The following CNOT10 variants were observed in gnomAD, a reference collection of about 807,000 sequenced individuals.
The protein encoded by CNOT10 is CCR4-NOT transcription complex subunit 10.
In CNOT10, 30 loss-of-function variants were observed where a neutral mutation model predicts 94.6. That is an observed-to-expected ratio of 0.32 (90% confidence interval 0.24 to 0.43). The LOEUF (loss-of-function observed/expected upper bound fraction) is 0.43. CNOT10 is among the 20% of genes least tolerant of loss of function. The pLI, the probability that CNOT10 is intolerant of heterozygous loss-of-function variation, is 1.00. For missense variants in CNOT10, 759 were observed against 877.2 expected (o/e 0.87, Z 1.70); for synonymous variants, 289 against 301.6 (o/e 0.96, Z 0.43).
Position 32,708,479 on chromosome 3 carries a change from T to C in CNOT10, c.280-191T>C, listed in dbSNP as rs577528828. On this transcript the variant is annotated intron_variant, in intron 3 of 18. Transcript: ENST00000328834. ...AAACATTTTACCTAAAATTTTATTA[T>C]GTGTGGCACAGAAGAATGAAAATAA... Among the ~76,000 whole-genome samples the C allele has an allele frequency of 7.2e-5, 11 of 152,350 alleles. 1 individual carries two copies. The South Asian group carries it at 1.9e-3, about 26-fold the overall frequency.
chr3:32,686,510 A>G (rs1696606071), intron 1 of CNOT10, among the ~76,000 whole-genome samples: 1 of 152,192 alleles, frequency 6.6e-6, no homozygotes, highest in Non-Finnish European at 1.5e-5. Context: ...AAGAAAAACA[A>G]CAGAACAAAG....
intron 13 of CNOT10, among the ~76,000 whole-genome samples, chr3:32,749,404 A>ATT (rs1699857111): frequency 2.0e-5 from 2 of 99,842 alleles, no homozygotes; most frequent in African/African-American, 7.9e-5. Context: ...ATGTTGAGTT[A>ATT]ATTTTTTTTT....
rs1559483965 is a variant in CNOT10 at position 32,708,800 on chromosome 3, A to G, written c.410A>G (p.Tyr137Cys). ...TEAISVGEKL[Y>C]QFIEPFEEKF... ...GCCATATCAGTTGGTGAAAAACTTT[A>G]TCAGTTCATAGAGCCTTTTGGTATG... The change falls in exon 4 of 19, where the codon TAT (tyrosine) becomes TGT (cysteine). Residue 137 changes from tyrosine (Y) to cysteine (C), a missense_variant. Tyr to Cys is a radical substitution (Grantham distance 194). This residue lies in a region of CNOT10 where 682 missense variants were observed against 799.4 expected (regional missense o/e 0.85). Transcript: ENST00000328834. 2 of 1,612,366 alleles carry G rather than the reference A, an allele frequency of 1.2e-6. No homozygotes were observed.
At chr3:32,706,640 G>A (rs1395691779) in intron 3 of CNOT10, among the ~76,000 whole-genome samples, 1 of 152,184 alleles carries the variant, frequency 6.6e-6, no homozygotes, top group African/African-American at 2.4e-5. Flanking sequence ...AGAATATGTG[G>A]CAAAGTTATT....
chr3:32,718,717 A>G (rs1051320023), intron 7 of CNOT10, among the ~76,000 whole-genome samples: 2 of 152,130 alleles, frequency 1.3e-5, no homozygotes, highest in African/African-American at 4.8e-5. Context: ...ACTAAGAATA[A>G]GCACTGAAAG....
chr3:32,695,696 C>T (rs1167631559), intron 1 of CNOT10: 2 of 1,535,880 alleles, frequency 1.3e-6, no homozygotes, highest in Admixed American at 2.0e-5. Flanking sequence ...GAAGGTCAGC[C>T]ATGTTCATTA....
chr3:32,763,893 G>A (rs1376855601), intron 15 of CNOT10, among the ~76,000 whole-genome samples: 1 of 152,158 alleles, frequency 6.6e-6, no homozygotes, highest in African/African-American at 2.4e-5. Context: ...CACTTTGGGA[G>A]GCTGTGGTGG....
chr3:32,713,829 T>A (rs1697995115), intron 5 of CNOT10, among the ~76,000 whole-genome samples: 1 of 152,226 alleles, frequency 6.6e-6, no homozygotes, highest in South Asian at 2.1e-4. Flanking sequence ...TACTTATTTT[T>A]GTTTCATGTA....
intron 13 of CNOT10, among the ~76,000 whole-genome samples, chr3:32,751,220 C>T (rs898151797): frequency 6.6e-6 from 1 of 152,086 alleles, no homozygotes; most frequent in Admixed American, 6.6e-5. Flanking sequence ...CCCACCTCTG[C>T]GTCCCAAGTA....
rs777377542 is a variant in CNOT10 at position 32,703,904 on chromosome 3, C to G, written c.59C>G (p.Ser20Cys). 2 of 1,613,622 alleles carry G rather than the reference C, an allele frequency of 1.2e-6. No individual in the cohort carries two copies. The highest frequency in any genetic ancestry group is 4.5e-5 in the East Asian group (2 of 44,874). The change falls in exon 2 of 19, where the codon TCC becomes TGC. Residue 20 changes from serine (S) to cysteine (C), a missense_variant. By Grantham distance (112) the Ser-to-Cys change is moderately radical. This residue lies in a region of CNOT10 where 682 missense variants were observed against 799.4 expected (regional missense o/e 0.85). Transcript: ENST00000328834. Reference sequence around the variant, plus strand: ...GAGAAACATGAAGGCACAGGTCAGTCCTCTGGGATCACTGATCAAGAGAAG... The same window carrying G: ...GAGAAACATGAAGGCACAGGTCAGTGCTCTGGGATCACTGATCAAGAGAAG... ...GAEKHEGTGQ[S>C]SGITDQEKEL...
intron 1 of CNOT10, among the ~76,000 whole-genome samples, chr3:32,703,147 A>G (rs35788548): frequency 0.22 from 32,452 of 144,844 alleles, 4,115 homozygotes; most frequent in Middle Eastern, 0.32. Flanking sequence ...GATGGTCTCG[A>G]TCTCCTGACC....
chr3:32,755,226 A>T (rs960254614), intron 13 of CNOT10, among the ~76,000 whole-genome samples: 13 of 151,444 alleles, frequency 8.6e-5, no homozygotes, highest in African/African-American at 2.9e-4. Flanking sequence ...AGCCTGGGTG[A>T]CAAGAGCGAA....
chr3:32,772,314 A>T (rs546260231), intron 18 of CNOT10, among the ~76,000 whole-genome samples: 88 of 151,600 alleles, frequency 5.8e-4, no homozygotes, highest in Admixed American at 1.5e-3. Context: ...GTGCCACTGC[A>T]CTCCAGTCTG....
At chr3:32,687,529 G>T (rs1272716790) in intron 1 of CNOT10, among the ~76,000 whole-genome samples, 1 of 127,600 alleles carries the variant, frequency 7.8e-6, no homozygotes, top group Non-Finnish European at 1.6e-5. Flanking sequence ...TCGGCTCATT[G>T]CAAGCTCCGC....
At chr3:32,687,464 T>TTTTTTTGTTTTTTG (rs1559471812) in intron 1 of CNOT10, among the ~76,000 whole-genome samples, 1 of 67,982 alleles carries the variant, frequency 1.5e-5, no homozygotes, top group Non-Finnish European at 2.9e-5. Flanking sequence ...TTTTTTTTTT[T>TTTTTTTGTTTTTTG]TTTTTGAGAC....
At chr3:32,690,406 A>G (rs1355866365) in intron 1 of CNOT10, among the ~76,000 whole-genome samples, 1 of 152,000 alleles carries the variant, frequency 6.6e-6, no homozygotes, top group East Asian at 1.9e-4. Flanking sequence ...TTGTTTTGAG[A>G]CAGGGTCTCA....
At chr3:32,723,630 A>G (rs1398238034) in intron 8 of CNOT10, among the ~76,000 whole-genome samples, 2 of 152,304 alleles carry the variant, frequency 1.3e-5, no homozygotes, top group Non-Finnish European at 2.9e-5. Context: ...TAAACATTTT[A>G]TGATTCAAAA....
intron 4 of CNOT10, 83 bp downstream of exon 4, chr3:32,708,903 A>G: frequency 1.8e-6 from 2 of 1,115,704 alleles, no homozygotes; most frequent in South Asian, 1.6e-5. Context: ...GATAACCTAA[A>G]TCCGAGAAGT....
chr3:32,696,743 A>G (rs974518637), intron 1 of CNOT10, among the ~76,000 whole-genome samples: 23 of 151,208 alleles, frequency 1.5e-4, no homozygotes, highest in African/African-American at 5.4e-4. Flanking sequence ...GACTACGGGC[A>G]TGTGCCACCA....
Sources: allele counts gnomAD v4.1 joint callset (sites outside exome capture counted in the v4.1 genomes callset), GRCh38; gene constraint gnomAD v4.1.1; regional missense constraint gnomAD v4.1.1; transcripts MANE v1.5; gene names NCBI Gene and HGNC (gene_info 2026-07-23, HGNC 2026-07-21).